Variants in MACROD2 observed in about 807,000 individuals in gnomAD.
MACROD2 encodes mono-ADP ribosylhydrolase 2.
Under a neutral mutation model 70.4 loss-of-function variants are expected in MACROD2, and 36 were observed. The ratio of observed to expected loss-of-function variants is 0.51; its 90% CI spans 0.39 to 0.68. The LOEUF is 0.68. Ranked by LOEUF, MACROD2 falls within the 30% of genes least tolerant of loss-of-function variation. The pLI, the probability that MACROD2 is intolerant of heterozygous loss-of-function variation, is 0.00. For missense variants in MACROD2, 496 were observed against 538.4 expected (o/e 0.92, Z 0.78); for synonymous variants, 172 against 178.8 (o/e 0.96, Z 0.30).
intron 6 of MACROD2, among the ~76,000 whole-genome samples, chr20:15,356,065 T>C (rs6079781): frequency 0.089 from 13,585 of 152,186 alleles, 755 homozygotes; most frequent in Non-Finnish European, 0.13. Context: ...CAACTTCCTA[T>C]CTTCCATCAC....
intron 3 of MACROD2, among the ~76,000 whole-genome samples, chr20:14,333,502 T>A (rs1252649669): frequency 1.3e-5 from 2 of 152,138 alleles, no homozygotes; most frequent in Admixed American, 1.3e-4. Flanking sequence ...TAGAGAGTGG[T>A]GAAGGTAAGT....
At chr20:15,427,114 T>C (rs562326771) in intron 6 of MACROD2, among the ~76,000 whole-genome samples, 1 of 152,272 alleles carries the variant, frequency 6.6e-6, no homozygotes, top group South Asian at 2.1e-4. Flanking sequence ...TAAAATGAAT[T>C]TTTTTCCACA....
chr20:14,624,374 C>T (rs959347612), intron 4 of MACROD2, among the ~76,000 whole-genome samples: 4 of 152,138 alleles, frequency 2.6e-5, no homozygotes, highest in African/African-American at 9.7e-5. Context: ...CATTTTAATG[C>T]TGTCAACTTT....
intron 4 of MACROD2, among the ~76,000 whole-genome samples, chr20:14,518,352 T>C (rs1290271623): frequency 6.6e-6 from 1 of 152,156 alleles, no homozygotes; most frequent in Non-Finnish European, 1.5e-5. Context: ...TTCTTCACAA[T>C]ATTTTTACAA....
intron 8 of MACROD2, among the ~76,000 whole-genome samples, chr20:15,784,647 A>G (rs1201829737): frequency 2.6e-5 from 4 of 152,152 alleles, no homozygotes; most frequent in Non-Finnish European, 5.9e-5. Flanking sequence ...TAAAATAACA[A>G]TAAAACGTGA....
At chr20:14,465,106 C>T (rs888411197) in intron 3 of MACROD2, among the ~76,000 whole-genome samples, 7 of 151,956 alleles carry the variant, frequency 4.6e-5, no homozygotes, top group African/African-American at 1.5e-4. Context: ...CTTTCTGTCT[C>T]ATTGATCTGT....
intron 5 of MACROD2, among the ~76,000 whole-genome samples, chr20:14,751,127 A>G (rs765825240): frequency 3.3e-5 from 5 of 152,162 alleles, no homozygotes; most frequent in Non-Finnish European, 7.3e-5. Flanking sequence ...CACAATGTGA[A>G]TAACACCTGA....
chr20:14,576,988 C>T (rs1291845728), intron 4 of MACROD2, among the ~76,000 whole-genome samples: 3 of 152,110 alleles, frequency 2.0e-5, no homozygotes, highest in Non-Finnish European at 4.4e-5. Flanking sequence ...TTCTTTTGAT[C>T]TAGTCAGAAT....
intron 9 of MACROD2, among the ~76,000 whole-genome samples, chr20:15,870,313 G>C (rs2064561942): frequency 6.6e-6 from 1 of 151,694 alleles, no homozygotes; most frequent in East Asian, 1.9e-4. Context: ...AGTTTCTGGA[G>C]AACAGAAATT....
chr20:15,159,755 C>G (rs987475565), intron 5 of MACROD2, among the ~76,000 whole-genome samples: 10 of 150,832 alleles, frequency 6.6e-5, no homozygotes, highest in Non-Finnish European at 1.3e-4. Flanking sequence ...TACACATGGG[C>G]ACACACACAC....
chr20:15,383,765 G>A (rs2045675114), intron 6 of MACROD2, among the ~76,000 whole-genome samples: 1 of 152,084 alleles, frequency 6.6e-6, no homozygotes, highest in South Asian at 2.1e-4. Context: ...GTTTCATGTT[G>A]ACAGAAACAT....
intron 2 of MACROD2, among the ~76,000 whole-genome samples, chr20:14,062,563 A>G (rs908983115): frequency 6.6e-6 from 1 of 152,178 alleles, no homozygotes. Context: ...GAGACATTTG[A>G]TGAGATCAAG....
intron 3 of MACROD2, among the ~76,000 whole-genome samples, chr20:14,455,529 G>A (rs1196919285): frequency 6.6e-6 from 1 of 151,724 alleles, no homozygotes; most frequent in East Asian, 1.9e-4. Context: ...TGTGGTAACT[G>A]AGCTCGTAAA....
chr20:14,930,863 TAA>T (rs11448674), intron 5 of MACROD2, among the ~76,000 whole-genome samples: 6 of 120,350 alleles, frequency 5.0e-5, no homozygotes, highest in Non-Finnish European at 5.0e-5. Flanking sequence ...TTTTTTTAAG[TAA>T]AAAAAAAAAA....
intron 2 of MACROD2, among the ~76,000 whole-genome samples, chr20:14,012,904 T>G (rs2052933812): frequency 6.6e-6 from 1 of 152,122 alleles, no homozygotes; most frequent in South Asian, 2.1e-4. Context: ...TGTACTGTGG[T>G]TAATTTTGTG....
chr20:15,225,356 C>T (rs1333113669), intron 5 of MACROD2, among the ~76,000 whole-genome samples: 4 of 152,008 alleles, frequency 2.6e-5, no homozygotes, highest in Non-Finnish European at 2.9e-5. Flanking sequence ...ATTAATAAAT[C>T]ATATACTCTT....
intron 5 of MACROD2, among the ~76,000 whole-genome samples, chr20:15,208,633 C>T (rs879654850): frequency 5.9e-5 from 9 of 152,164 alleles, no homozygotes; most frequent in African/African-American, 1.2e-4. Flanking sequence ...GTTCCTCTTT[C>T]GGCTTCCTTT....
intron 4 of MACROD2, among the ~76,000 whole-genome samples, chr20:14,653,470 G>A (rs1985799634): frequency 6.6e-6 from 1 of 150,508 alleles, no homozygotes; most frequent in African/African-American, 2.4e-5. Flanking sequence ...TTCCCGCCTC[G>A]GCCTCCCAAA....
chr20:15,380,181 T>TAA (rs11087134), intron 6 of MACROD2, among the ~76,000 whole-genome samples: 1 of 151,882 alleles, frequency 6.6e-6, no homozygotes, highest in African/African-American at 2.4e-5. Context: ...TACCATCATT[T>TAA]AAAAAAACCC....
Sources: allele counts gnomAD v4.1 joint callset (sites outside exome capture counted in the v4.1 genomes callset), GRCh38; gene constraint gnomAD v4.1.1; transcripts MANE v1.5; gene names NCBI Gene and HGNC (gene_info 2026-07-23, HGNC 2026-07-21).